ANKRD6: variants seen among roughly 807,000 people sequenced by gnomAD.
The protein encoded by ANKRD6 is ankyrin repeat domain-containing protein 6.
A neutral mutation model predicts 82.3 loss-of-function variants in ANKRD6; 56 were observed. The ratio of observed to expected loss-of-function variants is 0.68; its 90% CI spans 0.55 to 0.85. ANKRD6 has a LOEUF of 0.85. Ranked by LOEUF, ANKRD6 falls within the 40% of genes least tolerant of loss-of-function variation. The pLI, the probability that ANKRD6 is intolerant of heterozygous loss-of-function variation, is 0.00. For synonymous variants in ANKRD6, 347 were observed against 352.1 expected, an observed-to-expected ratio of 0.99 and a Z score of 0.16; for missense variants, 852 against 907.6, an observed-to-expected ratio of 0.94 and a Z score of 0.79.
At chr6:89,470,680 T>A (rs1316412701) in intron 1 of ANKRD6, among the ~76,000 whole-genome samples, 1 of 21,336 alleles carries the variant, frequency 4.7e-5, no homozygotes, top group Non-Finnish European at 7.8e-5. Context: ...GTTTTTTCTG[T>A]TTTGTTTTGT....
At chr6:89,551,902 C>T (rs11965790) in intron 1 of ANKRD6, among the ~76,000 whole-genome samples, 22,480 of 152,204 alleles carry the variant, frequency 0.15, 1,915 homozygotes, top group South Asian at 0.34. Flanking sequence ...GCATTAAAAA[C>T]ACAATTCAAG....
chr6:89,526,132 A>G (rs1342072626), intron 1 of ANKRD6, among the ~76,000 whole-genome samples: 1 of 152,228 alleles, frequency 6.6e-6, no homozygotes, highest in Non-Finnish European at 1.5e-5. Flanking sequence ...TAGTCGATAA[A>G]GGGACATCTA....
In ANKRD6 at chr6:89,593,798, G is replaced by C. The variant is rs1744862871; in HGVS notation, c.121-2118G>C. Among the ~76,000 whole-genome samples the C allele has an allele frequency of 2.0e-5, 3 of 152,178 alleles. No individual in the cohort carries two copies. The South Asian group carries it at 6.2e-4, about 32-fold the overall frequency. On this transcript the variant is annotated intron_variant, in intron 2 of 15. Coordinates refer to ENST00000339746, the MANE Select transcript of ANKRD6 (RefSeq NM_001242809.2). ...GTGAAACTTGTAGGGGAAAGCAAAGGAAACATGTTTGCTTGAGAATTTGGA... is the reference window on the plus strand; with the variant it reads ...GTGAAACTTGTAGGGGAAAGCAAAGCAAACATGTTTGCTTGAGAATTTGGA...
At chr6:89,529,290 G>T (rs1422630947) in intron 1 of ANKRD6, among the ~76,000 whole-genome samples, 1 of 152,218 alleles carries the variant, frequency 6.6e-6, no homozygotes, top group Non-Finnish European at 1.5e-5. Context: ...ATCAGCACTT[G>T]CTGCTTCACC....
At chr6:89,550,105 G>A (rs1785634597) in intron 1 of ANKRD6, among the ~76,000 whole-genome samples, 1 of 151,784 alleles carries the variant, frequency 6.6e-6, no homozygotes. Context: ...AAGAAAGAAA[G>A]AAAGAAAGAA....
chr6:89,508,000 AGC>A (rs1780078663), intron 1 of ANKRD6, among the ~76,000 whole-genome samples: 1 of 152,176 alleles, frequency 6.6e-6, no homozygotes, highest in South Asian at 2.1e-4. Flanking sequence ...CATACAGCAA[AGC>A]TGACTTTTAC....
chr6:89,491,286 G>GT (rs1178651885), intron 1 of ANKRD6, among the ~76,000 whole-genome samples: 12 of 152,206 alleles, frequency 7.9e-5, no homozygotes, highest in African/African-American at 2.9e-4. Flanking sequence ...AAGGGATGGT[G>GT]TTGGGATTCA....
At chr6:89,533,727 A>AGTGT (rs59064465) in intron 1 of ANKRD6, among the ~76,000 whole-genome samples, 12,299 of 141,988 alleles carry the variant, frequency 0.087, 706 homozygotes, top group African/African-American at 0.17. Context: ...AGAGAAAATG[A>AGTGT]GTGTGTGTGT....
intron 1 of ANKRD6, among the ~76,000 whole-genome samples, chr6:89,437,010 C>T (rs1024377987): frequency 1.3e-5 from 2 of 152,084 alleles, no homozygotes; most frequent in African/African-American, 2.4e-5. Context: ...GAATTTTTAA[C>T]CTGGGGTTCA....
chr6:89,624,787 G>A, intron 13 of ANKRD6, 96 bp downstream of exon 13: 1 of 1,406,232 alleles, frequency 7.1e-7, no homozygotes, highest in South Asian at 1.5e-5. Context: ...TCCACCCTGG[G>A]AGTGTCCAGT....
At chr6:89,473,532 T>C (rs1434530515) in intron 1 of ANKRD6, among the ~76,000 whole-genome samples, 7 of 152,238 alleles carry the variant, frequency 4.6e-5, no homozygotes, top group African/African-American at 1.7e-4. Context: ...CCAGAAAATT[T>C]CTGCATACCA....
At position 89,534,817 on chromosome 6, in the gene ANKRD6, G is replaced by C. The variant is rs887278270; in HGVS notation, c.-143-32017G>C. ...TGTTGATTGTTGTGCAGAAAATATA[G>C]AACTCAGTAATATGATGGCCTGTGG... is the stretch of plus-strand genomic sequence containing the variant. On this transcript the variant is annotated intron_variant, in intron 1 of 15. Transcript: ENST00000339746. Among the ~76,000 whole-genome samples, 12 of 152,280 alleles carry C rather than the reference G, an allele frequency of 7.9e-5. No homozygotes were observed. The South Asian group carries it at 1.2e-3, about 16-fold the overall frequency.
intron 1 of ANKRD6, among the ~76,000 whole-genome samples, chr6:89,519,122 G>A (rs1781585257): frequency 6.6e-6 from 1 of 152,158 alleles, no homozygotes. Flanking sequence ...TCACATTCTA[G>A]GTACTGGGGG....
At chr6:89,505,471 T>G (rs1779733851) in intron 1 of ANKRD6, among the ~76,000 whole-genome samples, 1 of 152,144 alleles carries the variant, frequency 6.6e-6, no homozygotes, top group African/African-American at 2.4e-5. Context: ...AGAGTGAAGA[T>G]CTGGTCCTCT....
At chr6:89,507,683 C>G (rs960435679) in intron 1 of ANKRD6, among the ~76,000 whole-genome samples, 3 of 152,124 alleles carry the variant, frequency 2.0e-5, no homozygotes, top group Non-Finnish European at 1.5e-5. Flanking sequence ...AGTGCCCTTG[C>G]TGATAAAAAC....
chr6:89,606,366 C>T (rs1028960899), intron 5 of ANKRD6, among the ~76,000 whole-genome samples: 4 of 152,186 alleles, frequency 2.6e-5, no homozygotes, highest in Admixed American at 6.5e-5. Context: ...AATCTACATG[C>T]GATTACTGTC....
chr6:89,614,856 A>C (rs567290387), intron 7 of ANKRD6, among the ~76,000 whole-genome samples: 52 of 151,568 alleles, frequency 3.4e-4, no homozygotes, highest in Non-Finnish European at 5.3e-4. Context: ...AAAAAACAAA[A>C]AAAAAAACCC....
At chr6:89,506,459 C>T (rs1779875341) in intron 1 of ANKRD6, among the ~76,000 whole-genome samples, 1 of 152,050 alleles carries the variant, frequency 6.6e-6, no homozygotes, top group Non-Finnish European at 1.5e-5. Context: ...GGATTACAGG[C>T]GTGTGTTACC....
At chr6:89,598,947 C>G (rs9294440) in intron 3 of ANKRD6, among the ~76,000 whole-genome samples, 121,991 of 152,132 alleles carry the variant, frequency 0.8, 49,447 homozygotes, top group East Asian at 0.91. Context: ...TTGGAAGCAG[C>G]TTGGGGTGAG....
Sources: allele counts gnomAD v4.1 joint callset (sites outside exome capture counted in the v4.1 genomes callset), GRCh38; gene constraint gnomAD v4.1.1; transcripts MANE v1.5; gene names NCBI Gene and HGNC (gene_info 2026-07-23, HGNC 2026-07-21).